The following CDH10 variants were observed in gnomAD, a reference collection of about 807,000 sequenced individuals.
CDH10 encodes cadherin-10.
In CDH10, 30 loss-of-function variants were observed where a neutral mutation model predicts 73.1. That is an observed-to-expected ratio of 0.41 (90% CI 0.31 to 0.56). CDH10 has a LOEUF of 0.56. CDH10 is among the 20% of genes least tolerant of loss of function. The probability of loss-of-function intolerance (pLI) is 0.27; values close to 1 mark genes in which losing one functional copy is unlikely to be tolerated. For missense variants in CDH10, 815 were observed against 973.7 expected (o/e 0.84, Z 2.17); for synonymous variants, 345 against 348.2 (o/e 0.99, Z 0.10).
chr5:24,562,969 C>T (rs952143692), intron 2 of CDH10, among the ~76,000 whole-genome samples: 4 of 152,198 alleles, frequency 2.6e-5, no homozygotes, highest in African/African-American at 9.6e-5. Context: ...TACAAAAGGA[C>T]ATTCTTACCC....
intron 1 of CDH10, among the ~76,000 whole-genome samples, chr5:24,605,481 C>T (rs1374493849): frequency 6.6e-6 from 1 of 152,342 alleles, no homozygotes; most frequent in African/African-American, 2.4e-5. Flanking sequence ...TGAGGTGGAA[C>T]AGTCATCCTG....
intron 2 of CDH10, among the ~76,000 whole-genome samples, chr5:24,573,507 C>T (rs967863149): frequency 6.6e-6 from 1 of 151,822 alleles, no homozygotes; most frequent in Admixed American, 6.6e-5. Context: ...TGAGACCATC[C>T]TGGCTAACAC....
chr5:24,626,022 A>G (rs1437203557), intron 1 of CDH10, among the ~76,000 whole-genome samples: 1 of 152,128 alleles, frequency 6.6e-6, no homozygotes, highest in Non-Finnish European at 1.5e-5. Context: ...GCTGGAACAC[A>G]TGTAAATTAA....
At chr5:24,529,068 G>A (rs1743633751) in intron 5 of CDH10, among the ~76,000 whole-genome samples, 1 of 151,930 alleles carries the variant, frequency 6.6e-6, no homozygotes, top group East Asian at 1.9e-4. Context: ...GTTTATATTT[G>A]CACAATATTT....
chr5:24,618,694 A>T (rs946944672), intron 1 of CDH10, among the ~76,000 whole-genome samples: 1 of 152,186 alleles, frequency 6.6e-6, no homozygotes, highest in African/African-American at 2.4e-5. Context: ...TATATTGTGT[A>T]ATTATCTAAA....
At chr5:24,583,876 C>A (rs1269964375) in intron 2 of CDH10, among the ~76,000 whole-genome samples, 4 of 152,266 alleles carry the variant, frequency 2.6e-5, no homozygotes, top group Admixed American at 1.3e-4. Flanking sequence ...AACTCCTGAC[C>A]TCGTGATCCA....
chr5:24,498,028 C>G (rs1742354927), intron 9 of CDH10, among the ~76,000 whole-genome samples: 1 of 152,154 alleles, frequency 6.6e-6, no homozygotes. Context: ...TTGTTTTCCA[C>G]AGCATTCGTC....
chr5:24,535,123 C>T lies in CDH10; in HGVS notation c.803G>A (p.Arg268His), dbSNP rs758541017. The T allele has an allele frequency of 1.7e-5, 27 of 1,607,046 alleles. 2 individuals are homozygous for T. The South Asian group carries it at 2.0e-4, about 12-fold the overall frequency. Reference sequence around the variant, plus strand: ...TAAAGGGTGCTTACTCTGGGGGAAACGTGGTGGGTTGTCATTGACATCTGT... The same window carrying T: ...TAAAGGGTGCTTACTCTGGGGGAAATGTGGTGGGTTGTCATTGACATCTGT... ...TLTDVNDNPPRFPQNTIHLRV... is the reference protein window; with the variant it reads ...TLTDVNDNPPHFPQNTIHLRV... The change falls in exon 5 of 12, where the codon CGT (arginine) becomes CAT (histidine). Residue 268 changes from arginine to histidine, a missense_variant. Transcript: ENST00000264463.
intron 2 of CDH10, among the ~76,000 whole-genome samples, chr5:24,591,888 T>C (rs184226914): frequency 2.6e-5 from 4 of 152,050 alleles, no homozygotes; most frequent in Admixed American, 1.3e-4. Flanking sequence ...GGGAAATAGA[T>C]GCAAACAAGC....
chr5:24,610,031 A>G (rs1301924360), intron 1 of CDH10: 1 of 152,262 alleles, frequency 6.6e-6, no homozygotes, highest in African/African-American at 2.4e-5. Flanking sequence ...TCCCTCGCAT[A>G]TGGCAAGGAG....
chr5:24,551,001 A>T (rs1022673041), intron 2 of CDH10, among the ~76,000 whole-genome samples: 2 of 151,962 alleles, frequency 1.3e-5, no homozygotes, highest in African/African-American at 4.8e-5. Context: ...ATGCATTGGC[A>T]CTCCTCTGCT....
chr5:24,507,762 GA>G (rs1381902299), intron 7 of CDH10, among the ~76,000 whole-genome samples: 1 of 150,988 alleles, frequency 6.6e-6, no homozygotes, highest in African/African-American at 2.4e-5. Context: ...ACTTTCAAAG[GA>G]AAAAGAAAAA....
chr5:24,636,662 CTAAAA>C (rs1156424332), intron 1 of CDH10, among the ~76,000 whole-genome samples: 2 of 151,706 alleles, frequency 1.3e-5, no homozygotes, highest in Non-Finnish European at 2.9e-5. Flanking sequence ...ACCCCTGAAC[CTAAAA>C]TAAAAGTTAA....
At chr5:24,600,242 A>G (rs1746513284) in intron 1 of CDH10, among the ~76,000 whole-genome samples, 1 of 152,216 alleles carries the variant, frequency 6.6e-6, no homozygotes, top group African/African-American at 2.4e-5. Flanking sequence ...TCCTTCAATT[A>G]TTGAGCTATA....
chr5:24,518,183 CT>C (rs1204571329), intron 5 of CDH10, among the ~76,000 whole-genome samples: 1 of 152,086 alleles, frequency 6.6e-6, no homozygotes, highest in Non-Finnish European at 1.5e-5. Context: ...TTCCACATAC[CT>C]TTTTCTCTCA....
In CDH10 at chr5:24,537,444, A is replaced by G. The variant is rs754552112; in HGVS notation, c.462T>C (p.Asn154=). 1.2e-5 allele frequency: 19 copies of G among 1,612,534 alleles called. No homozygotes were observed. In the African/African-American group the frequency reaches 2.3e-4, roughly 19 times the overall value. ...SEFVIKIHDI[N]DNEPTFPEEI... is the part of the protein sequence containing the mutation. The stretch of plus-strand genomic sequence containing the variant: ...CTTCTGGGAACGTTGGCTCATTGTC[A>G]TTGATATCATGAATTTTGATCACAA... The change falls in exon 3 of 12, where the codon AAT becomes AAC. Residue 154 remains asparagine (N), a synonymous_variant. Coordinates refer to ENST00000264463, the MANE Select transcript of CDH10 (RefSeq NM_006727.5).
At chr5:24,513,338 A>G (rs1347361553) in intron 5 of CDH10, among the ~76,000 whole-genome samples, 2 of 151,936 alleles carry the variant, frequency 1.3e-5, no homozygotes, top group African/African-American at 2.4e-5. Flanking sequence ...CTATTTCTAT[A>G]TTTCTCTCAC....
intron 9 of CDH10, among the ~76,000 whole-genome samples, chr5:24,495,717 C>G (rs56307012): frequency 3.3e-5 from 5 of 151,782 alleles, no homozygotes; most frequent in Admixed American, 6.6e-5. Flanking sequence ...CGTGGTGGTG[C>G]GCACCTGCAG....
chr5:24,565,380 C>G (rs1001280005), intron 2 of CDH10, among the ~76,000 whole-genome samples: 4 of 152,116 alleles, frequency 2.6e-5, no homozygotes, highest in African/African-American at 9.7e-5. Context: ...AAACTGAACT[C>G]TAACATACCA....
Sources: allele counts gnomAD v4.1 joint callset (sites outside exome capture counted in the v4.1 genomes callset), GRCh38; gene constraint gnomAD v4.1.1; transcripts MANE v1.5; gene names NCBI Gene and HGNC (gene_info 2026-07-23, HGNC 2026-07-21).